The following IL1RL1 variants were observed in gnomAD, a reference collection of about 807,000 sequenced individuals.
IL1RL1 encodes interleukin-1 receptor-like 1.
In IL1RL1, 32 loss-of-function variants were observed where a neutral mutation model predicts 50.9. The observed-to-expected ratio is 0.63, with a 90% confidence interval of 0.47 to 0.84. IL1RL1 has a LOEUF of 0.84. Among genes scored for constraint, IL1RL1 ranks in the 40% least tolerant of loss-of-function variants. The pLI, the probability that IL1RL1 is intolerant of heterozygous loss-of-function variation, is 0.00. For missense variants in IL1RL1, 773 were observed against 662.9 expected (o/e 1.17, Z -1.82); for synonymous variants, 275 against 236.0 (o/e 1.17, Z -1.51).
intron 1 of IL1RL1, among the ~76,000 whole-genome samples, chr2:102,318,834 T>C (rs748171560): frequency 1.3e-5 from 2 of 152,172 alleles, no homozygotes; most frequent in Non-Finnish European, 2.9e-5. Flanking sequence ...TGAGGATTCC[T>C]AAGCAACATG....
At chr2:102,349,881 T>C (rs1677882734) in intron 10 of IL1RL1, among the ~76,000 whole-genome samples, 1 of 152,162 alleles carries the variant, frequency 6.6e-6, no homozygotes, top group Non-Finnish European at 1.5e-5. Context: ...TTCTCTAATT[T>C]CTCACAGACC....
intron 1 of IL1RL1, chr2:102,313,293 T>A (rs1676575933): frequency 6.6e-6 from 1 of 152,168 alleles, no homozygotes; most frequent in South Asian, 2.1e-4. Flanking sequence ...TCAGACCTCA[T>A]CATTGTCCTT....
chr2:102,350,597 T>A (rs1016837049), intron 10 of IL1RL1, among the ~76,000 whole-genome samples: 5 of 152,264 alleles, frequency 3.3e-5, no homozygotes, highest in African/African-American at 1.2e-4. Context: ...CCCATCAAAA[T>A]CCTCTCTGCA....
intron 1 of IL1RL1, among the ~76,000 whole-genome samples, chr2:102,333,981 C>T (rs1001660727): frequency 3.3e-5 from 5 of 152,072 alleles, no homozygotes; most frequent in African/African-American, 9.7e-5. Flanking sequence ...TCTAGTCAAC[C>T]GTTGATGGAC....
At chr2:102,340,298 G>T in intron 4 of IL1RL1, 26 bp downstream of exon 4, 1 of 1,557,504 alleles carries the variant, frequency 6.4e-7, no homozygotes, top group East Asian at 2.3e-5. Flanking sequence ...GAAGGAAATA[G>T]ATGAAAATTA....
chr2:102,338,036 T>A, intron 1 of IL1RL1, 80 bp from the exon 2 acceptor site: 2 of 343,474 alleles, frequency 5.8e-6, no homozygotes, highest in East Asian at 9.1e-5. Flanking sequence ...GACTGATTCA[T>A]TCTCCTGGGT....
chr2:102,347,367 C>T, intron 8 of IL1RL1, among the ~76,000 whole-genome samples: 1 of 152,212 alleles, frequency 6.6e-6, no homozygotes, highest in Non-Finnish European at 1.5e-5. Flanking sequence ...GTCTCCAGTG[C>T]TCCTGTGACC....
In IL1RL1 at chr2:102,342,214, G is replaced by A; in HGVS notation, c.611-9G>A. The A allele has an allele frequency of 6.3e-7, 1 of 1,589,786 alleles. No individual in the cohort carries two copies. The highest frequency in any genetic ancestry group is 8.6e-7 in the Non-Finnish European group (1 of 1,159,018). ...TCTCCTAATATTTATATTTCTTTTT[G>A]TCTTTAAGATGAGCAAGGCTTTTCT... is the stretch of plus-strand genomic sequence containing the variant. On this transcript the variant is annotated splice_polypyrimidine_tract_variant and intron_variant, in intron 5 of 10. Transcript: ENST00000233954.
intron 6 of IL1RL1, among the ~76,000 whole-genome samples, chr2:102,342,598 C>G (rs1050750333): frequency 6.6e-6 from 1 of 152,164 alleles, no homozygotes; most frequent in Non-Finnish European, 1.5e-5. Flanking sequence ...GGTGTTCATT[C>G]TGGGCAATGG....
chr2:102,330,048 A>T (rs987038271), intron 1 of IL1RL1, among the ~76,000 whole-genome samples: 14 of 152,252 alleles, frequency 9.2e-5, no homozygotes, highest in Admixed American at 2.0e-4. Context: ...ATATATGTTT[A>T]TAGCGGCACT....
At chr2:102,325,728 G>A (rs1384962054) in intron 1 of IL1RL1, among the ~76,000 whole-genome samples, 9 of 152,190 alleles carry the variant, frequency 5.9e-5, no homozygotes, top group Non-Finnish European at 8.8e-5. Context: ...TAGCCGATTT[G>A]ATCAACTGGA....
At chr2:102,320,028 C>T (rs1314217230) in intron 1 of IL1RL1, among the ~76,000 whole-genome samples, 1 of 152,186 alleles carries the variant, frequency 6.6e-6, no homozygotes, top group African/African-American at 2.4e-5. Flanking sequence ...TTTCTTTATT[C>T]TCTTTCTGTT....
intron 8 of IL1RL1, chr2:102,344,601 C>A: frequency 3.9e-6 from 1 of 253,856 alleles, no homozygotes; most frequent in Non-Finnish European, 6.2e-6. Context: ...CTCAACACGA[C>A]TGCAAGCTCC....
chr2:102,338,787 A>G (rs1315246432), intron 2 of IL1RL1, 50 bp from the exon 3 acceptor site: 1 of 1,369,536 alleles, frequency 7.3e-7, no homozygotes, highest in Non-Finnish European at 1.0e-6. Flanking sequence ...AAGAATTATG[A>G]TCTTTTCATT....
chr2:102,322,344 T>C (rs1019350954), intron 1 of IL1RL1, among the ~76,000 whole-genome samples: 4 of 152,294 alleles, frequency 2.6e-5, no homozygotes, highest in South Asian at 2.1e-4. Flanking sequence ...CTTAATCTTA[T>C]ATGGAAAAAT....
intron 1 of IL1RL1, among the ~76,000 whole-genome samples, chr2:102,311,914 TTTA>T (rs1676495332): frequency 2.2e-5 from 1 of 45,324 alleles, no homozygotes; most frequent in South Asian, 4.3e-4. Context: ...TGTTATATAT[TTTA>T]TTATATAATA....
intron 1 of IL1RL1, among the ~76,000 whole-genome samples, chr2:102,332,022 C>A (rs994665123): frequency 2.6e-5 from 4 of 152,156 alleles, no homozygotes; most frequent in Non-Finnish European, 5.9e-5. Context: ...GAGCCATGAT[C>A]ACACCACTGC....
In IL1RL1 at chr2:102,338,880, A is replaced by T. The variant is rs144435600; in HGVS notation, c.105A>T (p.Arg35Ser). The change falls in exon 3 of 11, where the codon AGA (arginine) becomes AGT (serine). Residue 35 changes from arginine to serine, a missense_variant. Physicochemically the swap from Arg to Ser is moderately radical, Grantham distance 110 (BLOSUM62 -1). Coordinates refer to ENST00000233954, the MANE Select transcript of IL1RL1 (RefSeq NM_016232.5). Reference protein sequence around the residue: ...WGLENEALIVRCPRQGKPSYT... With the variant: ...WGLENEALIVSCPRQGKPSYT... The stretch of plus-strand genomic sequence containing the variant: ...TGGAAAATGAGGCTTTAATTGTAAG[A>T]TGTCCTAGACAAGGAAAACCTAGTT... 6.2e-7 allele frequency: 1 copy of T among 1,613,790 alleles called. No individual in the cohort carries two copies. The highest frequency in any genetic ancestry group is 1.3e-5 in the African/African-American group (1 of 75,040).
At chr2:102,327,837 A>G (rs1677057305) in intron 1 of IL1RL1, among the ~76,000 whole-genome samples, 1 of 152,212 alleles carries the variant, frequency 6.6e-6, no homozygotes, top group Non-Finnish European at 1.5e-5. Context: ...GACCAATAAC[A>G]GGCTCTGAAA....
Sources: gnomAD v4.1 joint callset for allele counts (sites outside exome capture counted in the v4.1 genomes callset) on GRCh38, gnomAD v4.1.1 for gene constraint, MANE v1.5 for transcripts, NCBI Gene and HGNC (gene_info 2026-07-23, HGNC 2026-07-21) for gene names.